The following PLEKHG1 variants were observed in gnomAD, a reference collection of about 807,000 sequenced individuals.
PLEKHG1 encodes the protein pleckstrin homology and RhoGEF domain containing G1, also known as pleckstrin homology domain-containing family G member 1.
PLEKHG1 carries 44 observed loss-of-function variants against 100.8 expected under a neutral mutation model. That is an observed-to-expected ratio of 0.44 (90% CI 0.34 to 0.56). The LOEUF (loss-of-function observed/expected upper bound fraction) is 0.56. Ranked by LOEUF, PLEKHG1 falls within the 20% of genes least tolerant of loss-of-function variation. The pLI, the probability that PLEKHG1 is intolerant of heterozygous loss-of-function variation, is 0.01. For synonymous variants in PLEKHG1, 640 were observed against 662.5 expected, an observed-to-expected ratio of 0.97 and a Z score of 0.52; for missense variants, 1,545 against 1,720.9, an observed-to-expected ratio of 0.90 and a Z score of 1.81.
intron 3 of PLEKHG1, among the ~76,000 whole-genome samples, chr6:150,781,964 G>A (rs1785339348): frequency 6.6e-6 from 1 of 151,262 alleles, no homozygotes; most frequent in South Asian, 2.1e-4. Context: ...ATTTTCAGTA[G>A]AGACAGGGTT....
intron 2 of PLEKHG1, among the ~76,000 whole-genome samples, chr6:150,734,499 C>T (rs1017208443): frequency 2.6e-5 from 4 of 152,156 alleles, no homozygotes; most frequent in African/African-American, 7.2e-5. Context: ...TACTGGCATC[C>T]GGGAGCTTCC....
intron 3 of PLEKHG1, among the ~76,000 whole-genome samples, chr6:150,666,761 A>C: frequency 6.6e-6 from 1 of 150,530 alleles, no homozygotes; most frequent in East Asian, 1.9e-4. Flanking sequence ...CTGCATTGAT[A>C]ATTTTTTTTT....
In PLEKHG1 at chr6:150,834,859, T is replaced by C. The variant is rs936265042; in HGVS notation, c.3094+2654T>C. Reference sequence around the variant, plus strand: ...CTGGCAGAGGCACGTCCCTAGGACCTGATGAGTTATATCCACACCTCGTCC... The same window carrying C: ...CTGGCAGAGGCACGTCCCTAGGACCCGATGAGTTATATCCACACCTCGTCC... On this transcript the variant is annotated intron_variant, in intron 15 of 15. Coordinates refer to ENST00000358517, the Ensembl canonical transcript of PLEKHG1. 2.0e-5 allele frequency among the ~76,000 whole-genome samples: 3 copies of C among 152,216 alleles called. 1 individual carries two copies. In the South Asian group the frequency reaches 6.2e-4, roughly 31 times the overall value.
At chr6:150,688,842 T>G (rs976523083) in intron 3 of PLEKHG1, among the ~76,000 whole-genome samples, 5 of 152,246 alleles carry the variant, frequency 3.3e-5, no homozygotes, top group African/African-American at 1.2e-4. Flanking sequence ...CAATGGTTTT[T>G]GGTATATTAC....
intron 10 of PLEKHG1, among the ~76,000 whole-genome samples, chr6:150,810,583 T>C (rs1787466938): frequency 6.8e-6 from 1 of 146,000 alleles, no homozygotes; most frequent in Non-Finnish European, 1.5e-5. Flanking sequence ...AGATAGAATA[T>C]ATAGGAACTA....
intron 2 of PLEKHG1, among the ~76,000 whole-genome samples, chr6:150,753,861 C>A (rs546199863): frequency 6.6e-6 from 1 of 152,318 alleles, no homozygotes; most frequent in East Asian, 1.9e-4. Flanking sequence ...CTGTACAGCC[C>A]TCGCCTCTTA....
chr6:150,797,606 A>G (rs9478825), intron 5 of PLEKHG1, among the ~76,000 whole-genome samples: 88,807 of 151,464 alleles, frequency 0.59, 26,301 homozygotes, highest in East Asian at 0.83. Flanking sequence ...AGGCCAAGGC[A>G]GGCACATCAC....
At position 150,804,749 on chromosome 6, in the gene PLEKHG1, C is replaced by T. The variant is rs200348696; in HGVS notation, c.912+8C>T. 9.5e-5 allele frequency: 153 copies of T among 1,610,162 alleles called. No homozygotes were observed. The highest frequency in any genetic ancestry group is 1.2e-4 in the Non-Finnish European group (147 of 1,178,846). ...CACGCGGTCCGGTTACAGGTGAGCC[C>T]GCGAGGTGTCGGTGCCCGGCAGGGT... On this transcript the variant is annotated splice_region_variant and intron_variant, in intron 7 of 15. Transcript: ENST00000358517.
At chr6:150,806,326 T>TG (rs1787098558) in intron 7 of PLEKHG1, among the ~76,000 whole-genome samples, 1 of 144,604 alleles carries the variant, frequency 6.9e-6, no homozygotes, top group Non-Finnish European at 1.5e-5. Flanking sequence ...AATACAGTCA[T>TG]CCCCCCTATC....
intron 1 of PLEKHG1, among the ~76,000 whole-genome samples, chr6:150,619,146 C>T (rs1389103380): frequency 6.6e-6 from 1 of 150,892 alleles, no homozygotes; most frequent in Non-Finnish European, 1.5e-5. Flanking sequence ...CAATTTGACT[C>T]AAATGATGGC....
At chr6:150,647,319 G>A (rs954006736) in intron 2 of PLEKHG1, among the ~76,000 whole-genome samples, 2 of 152,074 alleles carry the variant, frequency 1.3e-5, no homozygotes, top group African/African-American at 4.8e-5. Flanking sequence ...CATTCATTCT[G>A]GAATAATACA....
chr6:150,615,060 TC>T (rs1777009549), intron 1 of PLEKHG1, among the ~76,000 whole-genome samples: 1 of 152,202 alleles, frequency 6.6e-6, no homozygotes, highest in Admixed American at 6.5e-5. Context: ...CACATTGGGC[TC>T]CTTAATAAAA....
intron 3 of PLEKHG1, among the ~76,000 whole-genome samples, chr6:150,654,684 T>C (rs777004599): frequency 6.6e-6 from 1 of 152,260 alleles, no homozygotes; most frequent in African/African-American, 2.4e-5. Flanking sequence ...CCTTCACATG[T>C]CTTCTAGGTG....
chr6:150,716,296 C>A (rs979404802), upstream of PLEKHG1, among the ~76,000 whole-genome samples: 1 of 152,082 alleles, frequency 6.6e-6, no homozygotes, highest in Non-Finnish European at 1.5e-5. Context: ...GATAAGTAGG[C>A]CACACCTCCT....
intron 1 of PLEKHG1, among the ~76,000 whole-genome samples, chr6:150,602,467 C>T (rs987333957): frequency 7.9e-5 from 12 of 152,198 alleles, no homozygotes; most frequent in Admixed American, 6.5e-4. Flanking sequence ...TTGAGACCTT[C>T]ACTTCTTTAA....
At chr6:150,805,807 G>A (rs1372153777) in intron 7 of PLEKHG1, among the ~76,000 whole-genome samples, 1 of 152,166 alleles carries the variant, frequency 6.6e-6, no homozygotes, top group Non-Finnish European at 1.5e-5. Flanking sequence ...GATTACAGAT[G>A]TGAGCCACCG....
Position 150,830,829 on chromosome 6 carries a change from C to CTG in PLEKHG1, c.1719_1720insGT (p.Thr574ValfsTer50). On this transcript the variant is annotated frameshift_variant, in exon 15 of 16. Transcript: ENST00000358517. LOFTEE classifies it high-confidence loss of function. ...TCATTTTCCTCCTCAGATCTGAACT[C>CTG]TACCAGACTATGTGAAGATAGCACT... is the stretch of plus-strand genomic sequence containing the variant. 6.2e-7 allele frequency: 1 copy of CTG among 1,614,208 alleles called. No homozygotes were observed. Among genetic ancestry groups the CTG allele is most frequent in the Non-Finnish European group, 8.5e-7 (1 of 1,180,040 alleles).
intron 3 of PLEKHG1, among the ~76,000 whole-genome samples, chr6:150,703,203 G>C (rs777633950): frequency 1.3e-5 from 2 of 152,124 alleles, no homozygotes; most frequent in South Asian, 2.1e-4. Flanking sequence ...ACTCCTTCTT[G>C]TAAGTTTATC....
intron 1 of PLEKHG1, among the ~76,000 whole-genome samples, chr6:150,603,249 G>A (rs1436806233): frequency 6.6e-6 from 1 of 152,110 alleles, no homozygotes; most frequent in African/African-American, 2.4e-5. Flanking sequence ...CTTGTGTGTG[G>A]CAAGGCATCT....
Sources: allele counts gnomAD v4.1 joint callset (sites outside exome capture counted in the v4.1 genomes callset), GRCh38; gene constraint gnomAD v4.1.1; transcripts MANE v1.5; gene names NCBI Gene and HGNC (gene_info 2026-07-23, HGNC 2026-07-21).